ERBB4: variants seen among roughly 807,000 people sequenced by gnomAD.
ERBB4 encodes receptor tyrosine-protein kinase erbB-4.
Under a neutral mutation model 158.0 loss-of-function variants are expected in ERBB4, and 42 were observed. The ratio of observed to expected loss-of-function variants is 0.27; its 90% CI spans 0.21 to 0.34. ERBB4 has a LOEUF of 0.34. Among genes scored for constraint, ERBB4 ranks in the 10% least tolerant of loss-of-function variants. The probability of loss-of-function intolerance (pLI) is 1.00; values close to 1 mark genes in which losing one functional copy is unlikely to be tolerated. For missense variants in ERBB4, 1,333 were observed against 1,624.1 expected (o/e 0.82, Z 3.08); for synonymous variants, 583 against 558.7 (o/e 1.04, Z -0.61).
At chr2:212,042,988 T>C (rs1353132750) in intron 2 of ERBB4, among the ~76,000 whole-genome samples, 2 of 152,174 alleles carry the variant, frequency 1.3e-5, no homozygotes, top group South Asian at 2.1e-4. Context: ...GCTTAGTTTC[T>C]TTAGCTGTGC....
chr2:212,426,634 G>C (rs1341654885), intron 1 of ERBB4, among the ~76,000 whole-genome samples: 1 of 151,956 alleles, frequency 6.6e-6, no homozygotes, highest in Non-Finnish European at 1.5e-5. Flanking sequence ...GATCTATAAG[G>C]CATATATTAA....
intron 19 of ERBB4, among the ~76,000 whole-genome samples, chr2:211,600,461 G>T (rs899199414): frequency 6.6e-6 from 1 of 152,088 alleles, no homozygotes; most frequent in African/African-American, 2.4e-5. Flanking sequence ...TAATACAAAA[G>T]CCATTTCCAT....
At chr2:212,285,797 T>C (rs2085939002) in intron 1 of ERBB4, among the ~76,000 whole-genome samples, 1 of 152,164 alleles carries the variant, frequency 6.6e-6, no homozygotes, top group African/African-American at 2.4e-5. Context: ...ATATACAGCT[T>C]GGTATTCGAG....
At position 211,377,632 on chromosome 2, in the gene ERBB4, C is replaced by T. The variant is rs142396464; in HGVS notation, c.*5983G>A. The T allele has an allele frequency of 6.8e-3, 1,585 of 232,406 alleles. 11 individuals carry two copies. Among genetic ancestry groups the T allele is most frequent in the Non-Finnish European group, 0.011 (1,298 of 117,574 alleles). 14.4% of individuals were successfully genotyped at this position (232,406 alleles called of 1,614,324 possible). A position where few individuals can be genotyped will look rare whatever the true frequency, so the allele number is the denominator to read the frequency against. On this transcript the variant is annotated 3_prime_UTR_variant, in exon 28 of 28. Transcript: ENST00000342788. ...TTACCTTTATGATAATAAGACTCCT[C>T]ATTTGGGAGAAAAAAATTTACAGCA...
At chr2:211,657,942 C>G in intron 15 of ERBB4, 114 bp from the exon 16 acceptor site, 3 of 1,608,924 alleles carry the variant, frequency 1.9e-6, no homozygotes, top group Non-Finnish European at 2.5e-6. Flanking sequence ...AGCAAGCACA[C>G]CAAGTACCTA....
chr2:211,980,989 A>G (rs6721178), intron 2 of ERBB4, among the ~76,000 whole-genome samples: 21,642 of 151,068 alleles, frequency 0.14, 1,636 homozygotes, highest in Middle Eastern at 0.18. Flanking sequence ...ACCGCTCCCC[A>G]CCATCTGTAT....
chr2:211,754,674 T>C (rs565442033), intron 4 of ERBB4, among the ~76,000 whole-genome samples: 1 of 149,570 alleles, frequency 6.7e-6, no homozygotes, highest in Non-Finnish European at 1.5e-5. Flanking sequence ...ACCAAAGTGT[T>C]GGGATTACAG....
At chr2:211,483,961 C>T (rs1021528004) in intron 20 of ERBB4, among the ~76,000 whole-genome samples, 5 of 152,198 alleles carry the variant, frequency 3.3e-5, no homozygotes, top group African/African-American at 4.8e-5. Flanking sequence ...ATTCTTTACC[C>T]GGAGAAAGTC....
chr2:212,536,378 T>C (rs1388834612), intron 1 of ERBB4, among the ~76,000 whole-genome samples: 2 of 152,200 alleles, frequency 1.3e-5, no homozygotes, highest in Admixed American at 6.5e-5. Flanking sequence ...CACCTTAGTA[T>C]GCGTGTTGCA....
chr2:211,978,281 T>A (rs1441323821), intron 2 of ERBB4, among the ~76,000 whole-genome samples: 1 of 152,044 alleles, frequency 6.6e-6, no homozygotes, highest in African/African-American at 2.4e-5. Context: ...GGATCCTCTC[T>A]ATAATTTCCC....
rs530267962 is a variant in ERBB4, at chr2:211,793,506, C to A, written c.422-5347G>T. 2.6e-5 allele frequency among the ~76,000 whole-genome samples: 4 copies of A among 152,000 alleles called. No individual in the cohort carries two copies. In the East Asian group the frequency reaches 7.7e-4, roughly 29 times the overall value. On this transcript the variant is annotated intron_variant, in intron 3 of 27. Coordinates refer to ENST00000342788, the MANE Select transcript of ERBB4 (RefSeq NM_005235.3). ...TAAGTCAAAGGGCAGAATCAAGAAT[C>A]AAAATCCAAGGCAGCAAAACCCATT...
chr2:212,101,345 C>CTATACATATATATGTA (rs2079075028), intron 2 of ERBB4, among the ~76,000 whole-genome samples: 1 of 98,182 alleles, frequency 1.0e-5, no homozygotes, highest in African/African-American at 2.9e-5. Flanking sequence ...CACACACACC[C>CTATACATATATATGTA]TATACATATA....
chr2:212,238,357 G>T (rs919314656), intron 1 of ERBB4, among the ~76,000 whole-genome samples: 3 of 152,120 alleles, frequency 2.0e-5, no homozygotes, highest in African/African-American at 7.2e-5. Context: ...ACACTGCTGT[G>T]GTGAGGCAAC....
At chr2:211,429,761 C>T (rs572493344) in intron 21 of ERBB4, among the ~76,000 whole-genome samples, 1 of 152,182 alleles carries the variant, frequency 6.6e-6, no homozygotes, top group African/African-American at 2.4e-5. Flanking sequence ...TCCCTACGGG[C>T]AAGGAGTTAG....
At chr2:211,412,883 A>G (rs1294477435) in intron 25 of ERBB4, among the ~76,000 whole-genome samples, 2 of 149,688 alleles carry the variant, frequency 1.3e-5, no homozygotes, top group Non-Finnish European at 3.0e-5. Context: ...GAACCTGGGA[A>G]GTGGAGATTG....
At chr2:212,510,704 C>T (rs927584017) in intron 1 of ERBB4, among the ~76,000 whole-genome samples, 1 of 151,916 alleles carries the variant, frequency 6.6e-6, no homozygotes, top group African/African-American at 2.4e-5. Context: ...GATTGAAAAG[C>T]CTAACATCCT....
chr2:212,289,364 T>G (rs1036400707), intron 1 of ERBB4, among the ~76,000 whole-genome samples: 1 of 152,180 alleles, frequency 6.6e-6, no homozygotes, highest in African/African-American at 2.4e-5. Context: ...GCAGTTACTC[T>G]CACTAAAAGA....
chr2:211,966,860 T>C (rs2081324027), intron 2 of ERBB4, among the ~76,000 whole-genome samples: 1 of 152,094 alleles, frequency 6.6e-6, no homozygotes, highest in Non-Finnish European at 1.5e-5. Context: ...TAAATTTTAG[T>C]GTCATTACTA....
chr2:211,905,254 C>T (rs2079347400), intron 3 of ERBB4, among the ~76,000 whole-genome samples: 1 of 151,686 alleles, frequency 6.6e-6, no homozygotes, highest in South Asian at 2.1e-4. Context: ...GCTCATAGTC[C>T]CCTTCCTTCC....
Sources: allele counts gnomAD v4.1 joint callset (sites outside exome capture counted in the v4.1 genomes callset), GRCh38; gene constraint gnomAD v4.1.1; transcripts MANE v1.5; gene names NCBI Gene and HGNC (gene_info 2026-07-23, HGNC 2026-07-21).